The following ZDHHC23 variants were observed in gnomAD, a reference collection of about 807,000 sequenced individuals.
ZDHHC23 encodes palmitoyltransferase ZDHHC23.
A neutral mutation model predicts 40.2 loss-of-function variants in ZDHHC23; 41 were observed. The ratio of observed to expected loss-of-function variants is 1.02; its 90% CI spans 0.79 to 1.32. The LOEUF is 1.32. Among genes scored for constraint, ZDHHC23 ranks in the 40% most tolerant of loss-of-function variants. The pLI is 0.00. For missense variants in ZDHHC23, 471 were observed against 541.5 expected (o/e 0.87, Z 1.29); for synonymous variants, 204 against 210.2 (o/e 0.97, Z 0.26).
downstream of ZDHHC23, chr3:113,965,423 C>A: frequency 1.2e-6 from 1 of 852,216 alleles, no homozygotes; most frequent in Non-Finnish European, 1.8e-6. Context: ...ATCTATAGCA[C>A]ATTAAGAACT....
chr3:113,968,531 C>T (rs1314354843), downstream of ZDHHC23, among the ~76,000 whole-genome samples: 4 of 151,784 alleles, frequency 2.6e-5, no homozygotes, highest in Non-Finnish European at 5.9e-5. Flanking sequence ...TCACTTCTAC[C>T]TTCACCTCCT....
downstream of ZDHHC23, chr3:113,965,047 G>T: frequency 1.7e-6 from 1 of 573,946 alleles, no homozygotes; most frequent in Non-Finnish European, 2.9e-6. Context: ...CTAAGAAGTA[G>T]CTCGTAGAGA....
the ZDHHC23 span, among the ~76,000 whole-genome samples, chr3:113,973,825 G>C: frequency 6.6e-6 from 1 of 151,802 alleles, no homozygotes; most frequent in Admixed American, 6.6e-5. Context: ...ATATGTCTTT[G>C]TCAAGTTTTG....
the ZDHHC23 span, among the ~76,000 whole-genome samples, chr3:113,976,117 G>A: frequency 2.0e-5 from 3 of 152,032 alleles, no homozygotes; most frequent in Admixed American, 6.6e-5. Flanking sequence ...AAATTAGCTG[G>A]GCATGGCAGT....
chr3:113,970,264 G>A (rs540401553), downstream of ZDHHC23, among the ~76,000 whole-genome samples: 1 of 152,204 alleles, frequency 6.6e-6, no homozygotes, highest in African/African-American at 2.4e-5. Flanking sequence ...GAGTCTTTAG[G>A]TTTTTCTAAG....
At chr3:113,978,256 A>T in the ZDHHC23 span, 1 of 1,613,892 alleles carries the variant, frequency 6.2e-7, no homozygotes, top group African/African-American at 1.3e-5. Context: ...ACCATGTTAA[A>T]CCAGGCCCTG....
At chr3:113,966,070 C>G (rs1172575986), downstream of ZDHHC23, among the ~76,000 whole-genome samples, 1 of 152,044 alleles carries the variant, frequency 6.6e-6, no homozygotes, top group Non-Finnish European at 1.5e-5. Context: ...ATCCAGAAAC[C>G]ACAACCCTCA....
At chr3:113,956,090 A>C (rs932993983) in intron 3 of ZDHHC23, among the ~76,000 whole-genome samples, 3 of 152,086 alleles carry the variant, frequency 2.0e-5, no homozygotes, top group African/African-American at 7.2e-5. Context: ...CAAAATACAC[A>C]AATTAGCTGG....
chr3:113,949,790 T>C (rs905245838), intron 2 of ZDHHC23, among the ~76,000 whole-genome samples: 4 of 152,212 alleles, frequency 2.6e-5, no homozygotes, highest in Admixed American at 6.5e-5. Flanking sequence ...CTTGATACAT[T>C]AATACAGCCA....
chr3:113,948,877 CTGCGAGT>C lies in ZDHHC23; in HGVS notation c.76_82del (p.Cys26ThrfsTer2). The C allele has an allele frequency of 6.2e-7, 1 of 1,614,198 alleles. No individual in the cohort carries two copies. The highest frequency in any genetic ancestry group is 8.5e-7 in the Non-Finnish European group (1 of 1,180,030). ...AACCTGAATTGGAGCCCCTGTGCTG[CTGCGAGT>C]ACATAGATCGGAATGGGGAAAAGAA... On this transcript the variant is annotated frameshift_variant, in exon 2 of 5. Coordinates refer to ENST00000638807, the MANE Select transcript of ZDHHC23 (RefSeq NM_001320466.2). LOFTEE classifies it high-confidence loss of function.
In ZDHHC23 at chr3:113,958,513, C is replaced by T; in HGVS notation, c.1191C>T (p.Leu397=). 1 of 1,613,882 alleles carries T rather than the reference C, an allele frequency of 6.2e-7. No individual in the cohort carries two copies. Residue 397 remains leucine, a synonymous_variant, in exon 5 of 5, where the codon CTC becomes CTT. Coordinates refer to ENST00000638807, the MANE Select transcript of ZDHHC23 (RefSeq NM_001320466.2). The part of the protein sequence containing the change: ...QALRQKTGRR[L]LCGLIVDTGQ... ...TCCGACAGAAGACTGGGCGCCGGCT[C>T]CTCTGCGGGCTCATCGTGGACACAG...
chr3:113,968,460 CCTT>C (rs143719341), downstream of ZDHHC23, among the ~76,000 whole-genome samples: 989 of 151,974 alleles, frequency 6.5e-3, 35 homozygotes, highest in Admixed American at 0.056. Flanking sequence ...TCTTCCCCCC[CCTT>C]TTTTTTTTAG....
Position 113,963,112 on chromosome 3 carries a change from T to C in ZDHHC23, c.*4482T>C, listed in dbSNP as rs917711832. The C allele has an allele frequency of 3.9e-5, 6 of 152,200 alleles. No individual in the cohort carries two copies. Among genetic ancestry groups the C allele is most frequent in the African/African-American group, 7.2e-5 (3 of 41,450 alleles). The allele number at this position is 152,200 out of a possible 1,614,324, so 9.4% of individuals were successfully genotyped here. On this transcript the variant is annotated 3_prime_UTR_variant, in exon 5 of 5. Transcript: ENST00000638807. ...CCCTGTCCCTAGCCCTAAACTGTTATGTTCCCGGTGGCAATTTCTCCAGTT... is the reference window on the plus strand; with the variant it reads ...CCCTGTCCCTAGCCCTAAACTGTTACGTTCCCGGTGGCAATTTCTCCAGTT...
Position 113,948,706 on chromosome 3 carries a change from A to G in ZDHHC23, c.-97A>G, listed in dbSNP as rs1938368242. 7.0e-7 allele frequency: 1 copy of G among 1,429,344 alleles called. No homozygotes were observed. The highest frequency in any genetic ancestry group is 1.9e-5 in the Admixed American group (1 of 51,488). 88.5% of individuals were successfully genotyped at this position (1,429,344 alleles called of 1,614,324 possible). A position where few individuals can be genotyped will look rare whatever the true frequency, so the allele number is the denominator to read the frequency against. Reference sequence around the variant, plus strand: ...CTCAGGCGTTGGAGGTTAAGCAGAGAGAGAGAGGCGTGGACCTATTTACGA... The same window carrying G: ...CTCAGGCGTTGGAGGTTAAGCAGAGGGAGAGAGGCGTGGACCTATTTACGA... On this transcript the variant is annotated 5_prime_UTR_variant, in exon 2 of 5. Coordinates refer to ENST00000638807, the MANE Select transcript of ZDHHC23 (RefSeq NM_001320466.2).
At chr3:113,951,741 T>G (rs1425589725) in intron 2 of ZDHHC23, among the ~76,000 whole-genome samples, 1 of 152,220 alleles carries the variant, frequency 6.6e-6, no homozygotes, top group East Asian at 1.9e-4. Flanking sequence ...ATCCTTGCTG[T>G]TCTCTCCCAA....
downstream of ZDHHC23, among the ~76,000 whole-genome samples, chr3:113,968,648 TGG>T (rs1024603685): frequency 2.8e-4 from 42 of 150,480 alleles, no homozygotes; most frequent in Admixed American, 2.4e-3. Context: ...TTGGTAGAGA[TGG>T]GGTTTTGCCA....
chr3:113,949,014 G>A (rs1331786798), intron 2 of ZDHHC23, 51 bp downstream of exon 2: 1 of 1,603,650 alleles, frequency 6.2e-7, no homozygotes, highest in African/African-American at 1.3e-5. Flanking sequence ...TCTGAGAACT[G>A]CCATGTGTAC....
At chr3:113,967,543 A>G (rs1559863354), downstream of ZDHHC23, among the ~76,000 whole-genome samples, 1 of 152,212 alleles carries the variant, frequency 6.6e-6, no homozygotes, top group Non-Finnish European at 1.5e-5. Context: ...TTTTGGGGGT[A>G]CATGTAATTT....
At chr3:113,949,492 A>G (rs746481068) in intron 2 of ZDHHC23, among the ~76,000 whole-genome samples, 1 of 152,202 alleles carries the variant, frequency 6.6e-6, no homozygotes, top group Non-Finnish European at 1.5e-5. Flanking sequence ...CACAGTTTTC[A>G]GTGCGACCAG....
Sources: gnomAD v4.1 joint callset for allele counts (sites outside exome capture counted in the v4.1 genomes callset) on GRCh38, gnomAD v4.1.1 for gene constraint, MANE v1.5 for transcripts, NCBI Gene and HGNC (gene_info 2026-07-23, HGNC 2026-07-21) for gene names.